Variants in NUCKS1 observed in about 807,000 individuals in gnomAD.
NUCKS1 encodes nuclear casein kinase and cyclin dependent kinase substrate 1.
A neutral mutation model predicts 33.0 loss-of-function variants in NUCKS1; 2 were observed. That is an observed-to-expected ratio of 0.06 (90% confidence interval 0.02 to 0.19). The LOEUF (loss-of-function observed/expected upper bound fraction) is 0.19, where lower values mean the gene tolerates loss of function less well. Among genes scored for constraint, NUCKS1 ranks in the 10% least tolerant of loss-of-function variants. The pLI, the probability that NUCKS1 is intolerant of heterozygous loss-of-function variation, is 1.00. For missense variants in NUCKS1, 201 were observed against 293.6 expected (o/e 0.68, Z 2.31); for synonymous variants, 106 against 102.8 (o/e 1.03, Z -0.19).
At chr1:205,734,817 C>A (rs1278715803) in intron 1 of NUCKS1, among the ~76,000 whole-genome samples, 1 of 152,240 alleles carries the variant, frequency 6.6e-6, no homozygotes, top group African/African-American at 2.4e-5. Context: ...ATCGCTTGAA[C>A]CCGGAAGGTG....
intron 1 of NUCKS1, among the ~76,000 whole-genome samples, chr1:205,737,188 T>C (rs980749558): frequency 4.6e-5 from 7 of 152,190 alleles, no homozygotes; most frequent in Admixed American, 1.3e-4. Context: ...ATTATGACCC[T>C]CCTCTTCCTA....
intron 1 of NUCKS1, among the ~76,000 whole-genome samples, chr1:205,746,083 G>C (rs1482219814): frequency 6.6e-6 from 1 of 152,120 alleles, no homozygotes; most frequent in East Asian, 1.9e-4. Context: ...ATCGCCTGAG[G>C]TCAAGAGTTC....
At chr1:205,740,001 T>TTTG (rs1553252846) in intron 1 of NUCKS1, among the ~76,000 whole-genome samples, 3 of 135,484 alleles carry the variant, frequency 2.2e-5, no homozygotes, top group Non-Finnish European at 3.3e-5. Flanking sequence ...CTTTAGGTTT[T>TTTG]TTTTTTTTTT....
At chr1:205,738,491 TG>T (rs1558054707) in intron 1 of NUCKS1, among the ~76,000 whole-genome samples, 1 of 150,662 alleles carries the variant, frequency 6.6e-6, no homozygotes, top group Non-Finnish European at 1.5e-5. Flanking sequence ...CTCCAACTCC[TG>T]GGCTCATGCA....
chr1:205,745,488 C>CA (rs55737937), intron 1 of NUCKS1, among the ~76,000 whole-genome samples: 29 of 143,672 alleles, frequency 2.0e-4, no homozygotes, highest in South Asian at 4.4e-4. Context: ...ATCCTGTCTC[C>CA]AAAAAAAAAA....
chr1:205,748,311 G>A (rs564525026), intron 1 of NUCKS1, among the ~76,000 whole-genome samples: 1 of 152,228 alleles, frequency 6.6e-6, no homozygotes, highest in East Asian at 1.9e-4. Flanking sequence ...AAATTTAAAA[G>A]GTAGAGGAAT....
chr1:205,734,375 A>G (rs1451053097), intron 1 of NUCKS1, among the ~76,000 whole-genome samples: 1 of 152,210 alleles, frequency 6.6e-6, no homozygotes, highest in Non-Finnish European at 1.5e-5. Context: ...TTAACTTTCA[A>G]TGATCTGAAA....
At chr1:205,744,922 G>A (rs1409407450) in intron 1 of NUCKS1, among the ~76,000 whole-genome samples, 2 of 152,102 alleles carry the variant, frequency 1.3e-5, no homozygotes, top group Non-Finnish European at 2.9e-5. Context: ...ATGAGCCACC[G>A]CGCCTGGCCC....
At chr1:205,722,915 C>T (rs1249975513) in intron 4 of NUCKS1, among the ~76,000 whole-genome samples, 1 of 152,234 alleles carries the variant, frequency 6.6e-6, no homozygotes, top group African/African-American at 2.4e-5. Flanking sequence ...ATAAAGCTGA[C>T]ATGGCCGACC....
intron 4 of NUCKS1, among the ~76,000 whole-genome samples, chr1:205,723,009 G>T (rs1671949059): frequency 6.6e-6 from 1 of 152,218 alleles, no homozygotes; most frequent in Non-Finnish European, 1.5e-5. Flanking sequence ...ACTAGCAAGT[G>T]TAAGAGATTC....
intron 4 of NUCKS1, among the ~76,000 whole-genome samples, chr1:205,722,678 C>T (rs1002932735): frequency 6.6e-6 from 1 of 152,230 alleles, no homozygotes; most frequent in African/African-American, 2.4e-5. Context: ...CGGGTGGGAG[C>T]CACCATGCTC....
At chr1:205,728,794 C>T (rs1049788169) in intron 2 of NUCKS1, among the ~76,000 whole-genome samples, 2 of 152,166 alleles carry the variant, frequency 1.3e-5, no homozygotes, top group African/African-American at 2.4e-5. Flanking sequence ...AACACTCATT[C>T]CTTGATGAAT....
intron 1 of NUCKS1, among the ~76,000 whole-genome samples, chr1:205,746,116 T>C (rs938889858): frequency 6.6e-5 from 10 of 151,616 alleles, no homozygotes; most frequent in Admixed American, 1.3e-4. Context: ...GCCAACATGG[T>C]GAAACCCTGT....
At chr1:205,720,360 T>C (rs138043151) in intron 5 of NUCKS1, 141 bp downstream of exon 5, 19 of 732,502 alleles carry the variant, frequency 2.6e-5, no homozygotes, top group Non-Finnish European at 4.0e-5. Flanking sequence ...ACCAATACAG[T>C]CATCTCTTTT....
intron 3 of NUCKS1, among the ~76,000 whole-genome samples, chr1:205,727,467 G>C (rs1653807116): frequency 6.6e-6 from 1 of 152,168 alleles, no homozygotes; most frequent in Admixed American, 6.6e-5. Flanking sequence ...GTGACTGAAT[G>C]AGATATATCA....
chr1:205,725,803 T>C (rs1653756573), intron 3 of NUCKS1, among the ~76,000 whole-genome samples: 1 of 152,234 alleles, frequency 6.6e-6, no homozygotes, highest in Non-Finnish European at 1.5e-5. Context: ...AAGCTAGATG[T>C]TAATTATGTC....
intron 1 of NUCKS1, among the ~76,000 whole-genome samples, chr1:205,749,716 G>A (rs1224028371): frequency 6.6e-6 from 1 of 151,638 alleles, no homozygotes; most frequent in African/African-American, 2.4e-5. Flanking sequence ...GGGGGAGGCA[G>A]CTGAGCAGAC....
rs1334468352 is a variant in NUCKS1 at position 205,720,635 on chromosome 1, T to A, written c.248A>T (p.Lys83Ile). The A allele has an allele frequency of 6.2e-7, 1 of 1,613,734 alleles. No individual in the cohort carries two copies. The highest frequency in any genetic ancestry group is 1.1e-5 in the South Asian group (1 of 91,022). Residue 83 changes from lysine to isoleucine, a missense_variant, in exon 5 of 7, where the codon AAA becomes ATA. Physicochemically the swap from Lys to Ile is moderately radical, Grantham distance 102. Transcript: ENST00000367142. Reference sequence around the variant, plus strand: ...TTGGCGCACATTTTTATGATCTTCTTTTTCATCTTCACTATCCTCTGCAAT... The same window carrying A: ...TTGGCGCACATTTTTATGATCTTCTATTTCATCTTCACTATCCTCTGCAAT... Reference protein sequence around the residue: ...SHSAEDSEDEKEDHKNVRQQR... With the variant: ...SHSAEDSEDEIEDHKNVRQQR...
intron 1 of NUCKS1, among the ~76,000 whole-genome samples, chr1:205,738,048 C>T (rs147524261): frequency 6.6e-5 from 10 of 152,172 alleles, no homozygotes; most frequent in Non-Finnish European, 8.8e-5. Context: ...TTTTTTGAGA[C>T]GGAGTCTCGC....
Sources: allele counts gnomAD v4.1 joint callset (sites outside exome capture counted in the v4.1 genomes callset), GRCh38; gene constraint gnomAD v4.1.1; transcripts MANE v1.5; gene names NCBI Gene and HGNC (gene_info 2026-07-23, HGNC 2026-07-21).